CDH18: variants seen among roughly 807,000 people sequenced by gnomAD.
The protein encoded by CDH18 is cadherin-18.
In CDH18, 31 loss-of-function variants were observed where a neutral mutation model predicts 67.9. The ratio of observed to expected loss-of-function variants is 0.46; its 90% CI spans 0.34 to 0.62. CDH18 has a LOEUF of 0.62. Ranked by LOEUF, CDH18 falls within the 20% of genes least tolerant of loss-of-function variation. The pLI, the probability that CDH18 is intolerant of heterozygous loss-of-function variation, is 0.01. For synonymous variants in CDH18, 362 were observed against 347.2 expected, an observed-to-expected ratio of 1.04 and a Z score of -0.48; for missense variants, 890 against 975.5, an observed-to-expected ratio of 0.91 and a Z score of 1.17.
chr5:20,496,301 T>C (rs1753901355), intron 1 of CDH18, among the ~76,000 whole-genome samples: 1 of 152,156 alleles, frequency 6.6e-6, no homozygotes, highest in Non-Finnish European at 1.5e-5. Context: ...GTGATGTTCA[T>C]GTTTTCGTTT....
chr5:20,510,695 C>T (rs943303026), intron 1 of CDH18, among the ~76,000 whole-genome samples: 1 of 152,042 alleles, frequency 6.6e-6, no homozygotes, highest in African/African-American at 2.4e-5. Context: ...TCCATAAAAT[C>T]ACCATTATAT....
intron 2 of CDH18, among the ~76,000 whole-genome samples, chr5:19,963,828 T>G (rs999530394): frequency 2.0e-5 from 3 of 151,980 alleles, no homozygotes; most frequent in Non-Finnish European, 2.9e-5. Context: ...TCAAGAAACT[T>G]AACAATCATG....
intron 2 of CDH18, among the ~76,000 whole-genome samples, chr5:20,135,143 A>G (rs915846292): frequency 5.3e-5 from 8 of 152,310 alleles, no homozygotes; most frequent in Middle Eastern, 3.4e-3. Flanking sequence ...TGCCTTGCTT[A>G]TGATGAATGC....
intron 5 of CDH18, among the ~76,000 whole-genome samples, chr5:19,682,215 G>A (rs1296509401): frequency 6.6e-6 from 1 of 152,036 alleles, no homozygotes; most frequent in African/African-American, 2.4e-5. Context: ...GCACACTAGA[G>A]GGGGAAAGGA....
At chr5:19,517,555 T>C (rs757175880) in intron 10 of CDH18, among the ~76,000 whole-genome samples, 1 of 152,156 alleles carries the variant, frequency 6.6e-6, no homozygotes, top group African/African-American at 2.4e-5. Flanking sequence ...GTGATTTTGA[T>C]TGTGGTATCA....
intron 5 of CDH18, among the ~76,000 whole-genome samples, chr5:19,712,889 T>C (rs951982594): frequency 6.6e-6 from 1 of 151,716 alleles, no homozygotes; most frequent in African/African-American, 2.4e-5. Flanking sequence ...CCTGTGGCAG[T>C]AGGATAAATG....
chr5:20,162,254 T>C (rs974933792), intron 2 of CDH18, among the ~76,000 whole-genome samples: 1 of 152,020 alleles, frequency 6.6e-6, no homozygotes, highest in African/African-American at 2.4e-5. Flanking sequence ...GGTCTCATGA[T>C]TCCTTGTTTT....
At chr5:19,563,736 T>C (rs1317633888) in intron 8 of CDH18, among the ~76,000 whole-genome samples, 1 of 152,192 alleles carries the variant, frequency 6.6e-6, no homozygotes, top group Non-Finnish European at 1.5e-5. Flanking sequence ...GAACTTTCCA[T>C]GAAACACCTT....
intron 3 of CDH18, among the ~76,000 whole-genome samples, chr5:19,831,351 A>G (rs1781003732): frequency 6.6e-6 from 1 of 152,054 alleles, no homozygotes; most frequent in Admixed American, 6.6e-5. Context: ...AATGGGAGAA[A>G]ATTTTTGCAA....
intron 5 of CDH18, among the ~76,000 whole-genome samples, chr5:19,693,464 A>C (rs1762160321): frequency 1.3e-5 from 2 of 152,220 alleles, no homozygotes; most frequent in Admixed American, 6.5e-5. Flanking sequence ...TTATTTCTAC[A>C]TGATTAGTAA....
chr5:20,458,090 A>T (rs1750968411), intron 1 of CDH18, among the ~76,000 whole-genome samples: 1 of 152,132 alleles, frequency 6.6e-6, no homozygotes, highest in Non-Finnish European at 1.5e-5. Context: ...CATAGCCTAT[A>T]GCAGCTTTTG....
intron 1 of CDH18, among the ~76,000 whole-genome samples, chr5:20,503,724 T>C (rs1336961309): frequency 6.6e-6 from 1 of 152,146 alleles, no homozygotes; most frequent in African/African-American, 2.4e-5. Context: ...AAAACACATT[T>C]TGACATGTGC....
At chr5:20,023,567 G>T (rs982915170) in intron 2 of CDH18, among the ~76,000 whole-genome samples, 1 of 151,320 alleles carries the variant, frequency 6.6e-6, no homozygotes, top group Non-Finnish European at 1.5e-5. Context: ...GCTGAGGCAG[G>T]AGAATGGCGT....
chr5:20,503,631 A>G (rs1754470896), intron 1 of CDH18, among the ~76,000 whole-genome samples: 1 of 152,230 alleles, frequency 6.6e-6, no homozygotes, highest in South Asian at 2.1e-4. Context: ...AATAGATTTG[A>G]GAGGCAATAG....
intron 8 of CDH18, among the ~76,000 whole-genome samples, chr5:19,544,683 C>T (rs990940737): frequency 1.3e-5 from 2 of 152,094 alleles, no homozygotes; most frequent in African/African-American, 4.8e-5. Context: ...GTGATGGTGT[C>T]TGTCTTCTTT....
chr5:20,574,765 A>G (rs1430617236), intron 1 of CDH18, among the ~76,000 whole-genome samples: 1 of 152,172 alleles, frequency 6.6e-6, no homozygotes, highest in African/African-American at 2.4e-5. Flanking sequence ...CGCACGTAGC[A>G]TCACTGACAT....
At chr5:20,496,810 C>G (rs961943332) in intron 1 of CDH18, among the ~76,000 whole-genome samples, 7 of 152,110 alleles carry the variant, frequency 4.6e-5, no homozygotes, top group African/African-American at 1.7e-4. Context: ...CCTTACGTAG[C>G]TTTCAGTCTA....
chr5:20,425,967 T>A (rs1263352606), intron 1 of CDH18, among the ~76,000 whole-genome samples: 1 of 151,218 alleles, frequency 6.6e-6, no homozygotes, highest in Non-Finnish European at 1.5e-5. Context: ...CTATGCCAAA[T>A]AGGTAAAAAT....
intron 2 of CDH18, among the ~76,000 whole-genome samples, chr5:20,011,133 G>T (rs1561711364): frequency 6.6e-6 from 1 of 152,028 alleles, no homozygotes. Context: ...TCATTCATTG[G>T]AACAGTGGTT....
Sources: gnomAD v4.1 joint callset for allele counts (sites outside exome capture counted in the v4.1 genomes callset) on GRCh38, gnomAD v4.1.1 for gene constraint, MANE v1.5 for transcripts, NCBI Gene and HGNC (gene_info 2026-07-23, HGNC 2026-07-21) for gene names.